CASK: variants seen among roughly 807,000 people sequenced by gnomAD.
CASK encodes the protein calcium/calmodulin dependent serine protein kinase, also known as peripheral plasma membrane protein CASK.
A neutral mutation model predicts 82.9 loss-of-function variants in CASK; 4 were observed. That is an observed-to-expected ratio of 0.05 (90% confidence interval 0.02 to 0.11). CASK has a LOEUF of 0.11. Among genes scored for constraint, CASK ranks in the 10% least tolerant of loss-of-function variants. CASK has a pLI of 1.00. For missense variants in CASK, 358 were observed against 720.9 expected (o/e 0.50, Z 5.76); for synonymous variants, 259 against 253.5 (o/e 1.02, Z -0.20).
chrX:41,619,996 C>T (rs1409873772), intron 11 of CASK, among the ~76,000 whole-genome samples: 1 of 112,566 alleles, frequency 8.9e-6, no homozygotes, highest in Non-Finnish European at 1.9e-5. Context: ...GATTGCAATG[C>T]TTATTTTTCT....
chrX:41,635,396 ATACT>A (rs2066534161), intron 9 of CASK, among the ~76,000 whole-genome samples: 1 of 111,999 alleles, frequency 8.9e-6, no homozygotes, highest in Non-Finnish European at 1.9e-5. Context: ...ATATCTGAAA[ATACT>A]TAAGAAGAAA....
Position 41,704,249 on chromosome X carries a change from A to C in CASK, c.430-32719T>G, listed in dbSNP as rs183198948. ...AAGCTAAAAATTTTTCTAATCAATAAATTGAAATAAACACTGGCACTTATG... is the reference window on the plus strand; with the variant it reads ...AAGCTAAAAATTTTTCTAATCAATACATTGAAATAAACACTGGCACTTATG... On this transcript the variant is annotated intron_variant, in intron 5 of 26. Coordinates refer to ENST00000378163, the MANE Select transcript of CASK (RefSeq NM_001367721.1). 4.0e-4 allele frequency among the ~76,000 whole-genome samples: 45 copies of C among 111,920 alleles called. 1 individual carries two copies. The highest frequency in any genetic ancestry group is 1.5e-3 in the African/African-American group (45 of 30,817).
chrX:41,839,277 G>A (rs886593338), intron 2 of CASK, among the ~76,000 whole-genome samples: 8 of 111,493 alleles, frequency 7.2e-5, no homozygotes, highest in Non-Finnish European at 1.5e-4. Context: ...TCCAATCCCT[G>A]AACAGAGTAC....
chrX:41,862,542 GAAAAAAAAAAAAA>G (rs35462461), intron 1 of CASK, among the ~76,000 whole-genome samples: 1 of 32,871 alleles, frequency 3.0e-5, no homozygotes, highest in East Asian at 1.3e-3. Flanking sequence ...CTCTGTCTCA[GAAAAAAAAAAAAA>G]AAAAAAAAAA....
At chrX:41,687,126 G>A (rs781535475) in intron 5 of CASK, among the ~76,000 whole-genome samples, 76 of 112,105 alleles carry the variant, frequency 6.8e-4, no homozygotes, top group Non-Finnish European at 1.3e-3. Context: ...GGTTGTCTTA[G>A]GTGTAGGAAA....
At chrX:41,686,457 C>T (rs1441992496) in intron 5 of CASK, among the ~76,000 whole-genome samples, 1 of 106,415 alleles carries the variant, frequency 9.4e-6, no homozygotes, top group African/African-American at 3.4e-5. Flanking sequence ...AGGCTAGACT[C>T]AAACTCTCAG....
In CASK at chrX:41,612,123, C is replaced by G. The variant is rs1445725076; in HGVS notation, c.1034-2098G>C. 3.6e-5 allele frequency among the ~76,000 whole-genome samples: 4 copies of G among 112,077 alleles called. No homozygotes were observed. In the East Asian group the frequency reaches 1.1e-3, roughly 32 times the overall value. On this transcript the variant is annotated intron_variant, in intron 11 of 26. Transcript: ENST00000378163. The stretch of plus-strand genomic sequence containing the variant: ...TGCAGCCTCTGCCCGGCCGCCACCC[C>G]GTCTGGGAAGTGAGGAGCGTCTCTG...
rs752374685 is a variant in CASK at position 41,727,680 on chromosome X, A to T, written c.429+11704T>A. ...TTGGATTTTCCTTTTTAGTAGTACTAACATCATACTACTCTTTTGTAAGCC... is the reference window on the plus strand; with the variant it reads ...TTGGATTTTCCTTTTTAGTAGTACTTACATCATACTACTCTTTTGTAAGCC... On this transcript the variant is annotated intron_variant, in intron 5 of 26. Transcript: ENST00000378163. The T allele has an allele frequency of 2.5e-6, 3 of 1,199,829 alleles. No homozygotes were observed. The East Asian group carries it at 8.9e-5, about 36-fold the overall frequency.
chrX:41,647,470 TG>T (rs892725985), intron 8 of CASK, among the ~76,000 whole-genome samples: 1 of 111,951 alleles, frequency 8.9e-6, no homozygotes, highest in Non-Finnish European at 1.9e-5. Flanking sequence ...TTAAGCCTAT[TG>T]GGGGCTCCAC....
At chrX:41,862,132 G>A (rs2071502472) in intron 1 of CASK, among the ~76,000 whole-genome samples, 1 of 109,470 alleles carries the variant, frequency 9.1e-6, no homozygotes, top group Non-Finnish European at 1.9e-5. Flanking sequence ...ACATCCTGGA[G>A]GGCTTGAAAC....
intron 25 of CASK, among the ~76,000 whole-genome samples, chrX:41,530,293 T>C (rs2064782150): frequency 1.8e-5 from 2 of 112,050 alleles, no homozygotes; most frequent in South Asian, 7.4e-4. Flanking sequence ...GTCAGCATTT[T>C]TGATGTAAAG....
chrX:41,873,830 C>G (rs1445381183), intron 1 of CASK, among the ~76,000 whole-genome samples: 7 of 95,362 alleles, frequency 7.3e-5, no homozygotes, highest in Non-Finnish European at 1.4e-4. Context: ...CGCTCTGTTG[C>G]CAAGGCTGGA....
chrX:41,764,113 C>T (rs781466606), intron 3 of CASK, among the ~76,000 whole-genome samples: 2 of 111,876 alleles, frequency 1.8e-5, no homozygotes, highest in Non-Finnish European at 3.8e-5. Flanking sequence ...AGAGCATGAA[C>T]ACTCGACAAT....
chrX:41,633,745 TTTTC>T (rs985791185), intron 9 of CASK, among the ~76,000 whole-genome samples: 6 of 109,503 alleles, frequency 5.5e-5, no homozygotes, highest in African/African-American at 2.0e-4. Context: ...ACCAAAGTAA[TTTTC>T]TTTCTTTCTT....
chrX:41,814,523 T>C (rs758005058), intron 2 of CASK, among the ~76,000 whole-genome samples: 1 of 102,260 alleles, frequency 9.8e-6, no homozygotes, highest in East Asian at 3.1e-4. Context: ...TGTTCTCTCA[T>C]AGGTGGGAAT....
intron 2 of CASK, among the ~76,000 whole-genome samples, chrX:41,815,695 G>T (rs1226774356): frequency 1.8e-5 from 2 of 110,622 alleles, no homozygotes; most frequent in African/African-American, 6.6e-5. Context: ...AGAGACAAAT[G>T]GAGAAGAAAA....
In CASK at chrX:41,515,963, T is replaced by C. The variant is rs1451271885; in HGVS notation, c.*4457A>G. ...GGTCTCCTGTGTGGTGACAAACATC[T>C]CTTTCCATTTTCTTTTGCTCAGTCC... On this transcript the variant is annotated 3_prime_UTR_variant, in exon 27 of 27. Coordinates refer to ENST00000378163, the MANE Select transcript of CASK (RefSeq NM_001367721.1). 1 of 112,382 alleles carries C rather than the reference T, an allele frequency of 8.9e-6. No individual in the cohort carries two copies. Among genetic ancestry groups the C allele is most frequent in the African/African-American group, 3.2e-5 (1 of 30,941 alleles). 9.3% of individuals were successfully genotyped at this position (112,382 alleles called of 1,213,427 possible). A position where few individuals can be genotyped will look rare whatever the true frequency, so the allele number is the denominator to read the frequency against.
chrX:41,906,618 C>T (rs2072474593), intron 1 of CASK, among the ~76,000 whole-genome samples: 1 of 112,352 alleles, frequency 8.9e-6, no homozygotes, highest in Admixed American at 9.4e-5. Flanking sequence ...TGGGGCTGCC[C>T]CAGCCTCCTA....
intron 1 of CASK, among the ~76,000 whole-genome samples, chrX:41,902,338 A>C (rs1301497245): frequency 9.0e-6 from 1 of 111,066 alleles, no homozygotes; most frequent in Non-Finnish European, 1.9e-5. Context: ...TTCAGGGGAG[A>C]AGCTTTTCCA....
Sources: allele counts gnomAD v4.1 joint callset (sites outside exome capture counted in the v4.1 genomes callset), GRCh38; gene constraint gnomAD v4.1.1; transcripts MANE v1.5; gene names NCBI Gene and HGNC (gene_info 2026-07-23, HGNC 2026-07-21).